The following CHD6 variants were observed in gnomAD, a reference collection of about 807,000 sequenced individuals.
CHD6 encodes ATP-dependent chromatin remodeler CHD6.
CHD6 carries 50 observed loss-of-function variants against 276.9 expected under a neutral mutation model. The observed-to-expected ratio is 0.18, with a 90% confidence interval of 0.14 to 0.23. CHD6 has a LOEUF of 0.23. Among genes scored for constraint, CHD6 ranks in the 10% least tolerant of loss-of-function variants. CHD6 has a pLI of 1.00. For synonymous variants in CHD6, 1,173 were observed against 1,229.3 expected (o/e 0.95, Z 0.96); for missense variants, 2,564 against 3,365.8 (o/e 0.76, Z 5.89).
chr20:41,493,414 A>G, intron 10 of CHD6, 124 bp downstream of exon 10: 1 of 951,744 alleles, frequency 1.1e-6, no homozygotes, highest in Non-Finnish European at 1.6e-6. Context: ...GGGTTCAATG[A>G]GAAGTAACAA....
chr20:41,472,505 C>G (rs1468605227), intron 17 of CHD6, among the ~76,000 whole-genome samples: 1 of 152,148 alleles, frequency 6.6e-6, no homozygotes, highest in Non-Finnish European at 1.5e-5. Context: ...TAGTAAATAT[C>G]TCAAGATATA....
intron 1 of CHD6, among the ~76,000 whole-genome samples, chr20:41,616,955 G>C (rs1226394818): frequency 6.6e-6 from 1 of 152,094 alleles, no homozygotes; most frequent in African/African-American, 2.4e-5. Context: ...CGAGTGGTCT[G>C]CCCCGGTGTT....
intron 5 of CHD6, among the ~76,000 whole-genome samples, chr20:41,500,858 G>A (rs984870703): frequency 1.3e-5 from 2 of 152,046 alleles, no homozygotes; most frequent in African/African-American, 2.4e-5. Context: ...AGGAAATAAA[G>A]GGTCAAACTC....
At position 41,426,079 on chromosome 20, in the gene CHD6, G is replaced by A. The variant is rs2047353856; in HGVS notation, c.4129+14C>T. 4 of 1,580,470 alleles carry A rather than the reference G, an allele frequency of 2.5e-6. No individual in the cohort carries two copies. The East Asian group carries it at 8.9e-5, about 35-fold the overall frequency. ...ACCTTACTTTCCTATGCCTTCAGAAGGACATAGTCTCACCTGCCCGGCTGT... is the reference window on the plus strand; with the variant it reads ...ACCTTACTTTCCTATGCCTTCAGAAAGACATAGTCTCACCTGCCCGGCTGT... On this transcript the variant is annotated intron_variant, in intron 28 of 36. Coordinates refer to ENST00000373233, the MANE Select transcript of CHD6 (RefSeq NM_032221.5).
intron 1 of CHD6, among the ~76,000 whole-genome samples, chr20:41,578,727 C>T (rs1412193712): frequency 4.7e-5 from 7 of 150,338 alleles, no homozygotes; most frequent in Non-Finnish European, 8.9e-5. Context: ...AAGAAATTTT[C>T]TATAATAAAA....
At chr20:41,443,177 A>AT (rs2047952668) in intron 25 of CHD6, among the ~76,000 whole-genome samples, 1 of 152,224 alleles carries the variant, frequency 6.6e-6, no homozygotes, top group African/African-American at 2.4e-5. Flanking sequence ...CACAGGTGTG[A>AT]TCAGCAAACA....
chr20:41,465,752 G>C (rs1447319113), intron 17 of CHD6, among the ~76,000 whole-genome samples: 1 of 152,078 alleles, frequency 6.6e-6, no homozygotes, highest in Non-Finnish European at 1.5e-5. Context: ...CATAATTTTT[G>C]CAACTTTTAA....
chr20:41,611,595 G>A (rs760136947), intron 1 of CHD6, among the ~76,000 whole-genome samples: 4 of 151,968 alleles, frequency 2.6e-5, no homozygotes, highest in Non-Finnish European at 5.9e-5. Flanking sequence ...GTCTATTTCA[G>A]TAGGTCTGGA....
At chr20:41,450,257 C>T (rs972826172) in intron 23 of CHD6, among the ~76,000 whole-genome samples, 1 of 152,116 alleles carries the variant, frequency 6.6e-6, no homozygotes. Context: ...GGTGTGCGAC[C>T]GGAGGCCCTC....
chr20:41,617,506 A>T (rs1232536839), intron 1 of CHD6, among the ~76,000 whole-genome samples: 1 of 152,176 alleles, frequency 6.6e-6, no homozygotes, highest in African/African-American at 2.4e-5. Flanking sequence ...AAAAAAAACC[A>T]AGTAGCTGCC....
intron 25 of CHD6, among the ~76,000 whole-genome samples, chr20:41,443,619 A>AACCTC (rs2047968039): frequency 6.6e-6 from 1 of 152,170 alleles, no homozygotes; most frequent in African/African-American, 2.4e-5. Context: ...CTTGGATGTC[A>AACCTC]ACCTCACTCT....
At chr20:41,481,119 A>AT (rs1240183328) in intron 16 of CHD6, among the ~76,000 whole-genome samples, 502 of 150,772 alleles carry the variant, frequency 3.3e-3, no homozygotes, top group South Asian at 4.2e-3. Context: ...AAAGAAAAAA[A>AT]AATATATATA....
At chr20:41,411,636 T>C (rs2046843419) in intron 36 of CHD6, among the ~76,000 whole-genome samples, 2 of 152,222 alleles carry the variant, frequency 1.3e-5, no homozygotes, top group South Asian at 4.1e-4. Context: ...TTCGTTATAC[T>C]AGAAGTATTC....
chr20:41,464,449 G>C (rs574947319), intron 17 of CHD6, among the ~76,000 whole-genome samples: 24 of 152,290 alleles, frequency 1.6e-4, no homozygotes, highest in Middle Eastern at 3.4e-3. Flanking sequence ...AAAACTACTT[G>C]ATGTGTATAC....
At chr20:41,544,495 C>T (rs2045002675) in intron 2 of CHD6, among the ~76,000 whole-genome samples, 1 of 152,150 alleles carries the variant, frequency 6.6e-6, no homozygotes, top group African/African-American at 2.4e-5. Context: ...CTTCTTTATG[C>T]ATAGGATTTT....
intron 1 of CHD6, among the ~76,000 whole-genome samples, chr20:41,592,667 T>C (rs1226274046): frequency 5.9e-5 from 9 of 152,168 alleles, no homozygotes; most frequent in Admixed American, 3.3e-4. Context: ...TAGACTATCC[T>C]GGCAAAATCT....
chr20:41,607,930 A>T (rs181517368), intron 1 of CHD6, among the ~76,000 whole-genome samples: 1 of 152,340 alleles, frequency 6.6e-6, no homozygotes, highest in Admixed American at 6.5e-5. Flanking sequence ...AAAGCAAGTT[A>T]CACAGCCATG....
At chr20:41,618,204 G>C (rs2045955230) in intron 1 of CHD6, 136 bp downstream of exon 1, 1 of 151,926 alleles carries the variant, frequency 6.6e-6, no homozygotes, top group Non-Finnish European at 1.5e-5. Flanking sequence ...GGGCCTGGAC[G>C]CCGCCGCAGC....
chr20:41,559,870 C>CACACACACGCACACAT (rs2045283105), intron 1 of CHD6, among the ~76,000 whole-genome samples: 1 of 151,832 alleles, frequency 6.6e-6, no homozygotes, highest in East Asian at 1.9e-4. Flanking sequence ...CACCTTTACA[C>CACACACACGCACACAT]ACACACACGC....
Sources: gnomAD v4.1 joint callset for allele counts (sites outside exome capture counted in the v4.1 genomes callset) on GRCh38, gnomAD v4.1.1 for gene constraint, MANE v1.5 for transcripts, NCBI Gene and HGNC (gene_info 2026-07-23, HGNC 2026-07-21) for gene names.